The following BRINP3 variants were observed in gnomAD, a reference collection of about 807,000 sequenced individuals.
BRINP3 encodes the protein BMP/retinoic acid inducible neural specific 3.
A neutral mutation model predicts 71.0 loss-of-function variants in BRINP3; 19 were observed. That is an observed-to-expected ratio of 0.27 (90% CI 0.19 to 0.39). The LOEUF (loss-of-function observed/expected upper bound fraction) is 0.39, where lower values mean the gene tolerates loss of function less well. BRINP3 is among the 10% of genes least tolerant of loss of function. The pLI, the probability that BRINP3 is intolerant of heterozygous loss-of-function variation, is 1.00. For synonymous variants in BRINP3, 380 were observed against 337.7 expected, an observed-to-expected ratio of 1.13 and a Z score of -1.37; for missense variants, 959 against 940.8, an observed-to-expected ratio of 1.02 and a Z score of -0.25.
intron 2 of BRINP3, among the ~76,000 whole-genome samples, chr1:190,423,826 C>A (rs1309145651): frequency 1.3e-5 from 2 of 151,612 alleles, no homozygotes; most frequent in African/African-American, 2.4e-5. Flanking sequence ...ATCATTATGA[C>A]AGTTTTTGTT....
At chr1:190,160,983 TACAC>T in intron 6 of BRINP3, 93 bp from the exon 7 acceptor site, 12 of 798,462 alleles carry the variant, frequency 1.5e-5, no homozygotes, top group Middle Eastern at 3.7e-4. Flanking sequence ...CAAATACATA[TACAC>T]ATATATGTCA....
intron 2 of BRINP3, among the ~76,000 whole-genome samples, chr1:190,358,548 T>C (rs1207091804): frequency 1.3e-5 from 2 of 152,114 alleles, no homozygotes; most frequent in Non-Finnish European, 1.5e-5. Context: ...ATAGGAACAC[T>C]TTTACACTGT....
chr1:190,339,173 T>A (rs1033487684), intron 2 of BRINP3, among the ~76,000 whole-genome samples: 4 of 151,930 alleles, frequency 2.6e-5, no homozygotes, highest in African/African-American at 9.7e-5. Flanking sequence ...TTCAAAAGCC[T>A]CACAAAAATA....
intron 1 of BRINP3, among the ~76,000 whole-genome samples, chr1:190,460,310 A>G (rs1446549647): frequency 6.6e-6 from 1 of 150,828 alleles, no homozygotes; most frequent in Non-Finnish European, 1.5e-5. Flanking sequence ...AATCTACAGC[A>G]TTATTATATA....
chr1:190,191,851 T>C (rs558001246), intron 6 of BRINP3, among the ~76,000 whole-genome samples: 1 of 152,264 alleles, frequency 6.6e-6, no homozygotes, highest in East Asian at 1.9e-4. Context: ...AAAATATAGT[T>C]TTCAACATTG....
At chr1:190,416,639 G>A (rs1673020996) in intron 2 of BRINP3, among the ~76,000 whole-genome samples, 1 of 152,088 alleles carries the variant, frequency 6.6e-6, no homozygotes, top group South Asian at 2.1e-4. Context: ...AATGAGATAA[G>A]TAATAATGAT....
intron 2 of BRINP3, among the ~76,000 whole-genome samples, chr1:190,294,401 A>G (rs1275455396): frequency 6.6e-6 from 1 of 151,866 alleles, no homozygotes; most frequent in Non-Finnish European, 1.5e-5. Context: ...CTGAGACTCC[A>G]GGCATGTGTT....
intron 7 of BRINP3, among the ~76,000 whole-genome samples, chr1:190,113,328 C>G (rs896886053): frequency 6.6e-6 from 1 of 152,088 alleles, no homozygotes; most frequent in Non-Finnish European, 1.5e-5. Context: ...CCTTCTTCTT[C>G]CTAACCATCT....
chr1:190,433,190 C>G (rs760696761), intron 2 of BRINP3, among the ~76,000 whole-genome samples: 10 of 152,264 alleles, frequency 6.6e-5, no homozygotes, highest in Non-Finnish European at 1.0e-4. Flanking sequence ...AATATTGCAA[C>G]TGCTCTCTTC....
intron 4 of BRINP3, among the ~76,000 whole-genome samples, chr1:190,253,542 T>C (rs553081618): frequency 9.2e-5 from 14 of 152,338 alleles, no homozygotes; most frequent in African/African-American, 3.4e-4. Context: ...TGAGCATTTT[T>C]TCATGTGTCT....
intron 2 of BRINP3, among the ~76,000 whole-genome samples, chr1:190,341,756 T>A (rs185215413): frequency 1.3e-5 from 2 of 151,894 alleles, no homozygotes; most frequent in East Asian, 3.9e-4. Flanking sequence ...TACACAGATG[T>A]AAAAACATAC....
intron 7 of BRINP3, among the ~76,000 whole-genome samples, chr1:190,107,531 A>G (rs923481107): frequency 1.3e-5 from 2 of 152,014 alleles, no homozygotes; most frequent in African/African-American, 4.8e-5. Flanking sequence ...TATTATCTAT[A>G]TCACTTATTT....
intron 7 of BRINP3, among the ~76,000 whole-genome samples, chr1:190,129,302 A>C (rs1654341652): frequency 6.6e-6 from 1 of 151,812 alleles, no homozygotes; most frequent in Admixed American, 6.6e-5. Context: ...TCAGACAGTA[A>C]TTTTAAAGAA....
At chr1:190,255,230 TTC>T (rs1427617621) in intron 4 of BRINP3, among the ~76,000 whole-genome samples, 7 of 148,054 alleles carry the variant, frequency 4.7e-5, no homozygotes, top group Non-Finnish European at 8.9e-5. Flanking sequence ...TGGTCTAAAA[TTC>T]TCTCTTTTTT....
At chr1:190,343,108 C>T (rs142930613) in intron 2 of BRINP3, among the ~76,000 whole-genome samples, 147 of 151,514 alleles carry the variant, frequency 9.7e-4, no homozygotes, top group Non-Finnish European at 1.7e-3. Flanking sequence ...GATGAACAGG[C>T]GATGTATCAA....
intron 2 of BRINP3, among the ~76,000 whole-genome samples, chr1:190,450,525 A>G (rs921174303): frequency 6.6e-6 from 1 of 152,126 alleles, no homozygotes; most frequent in Non-Finnish European, 1.5e-5. Context: ...TTAAACCAGA[A>G]TCCTCATAGT....
At chr1:190,305,443 C>T (rs1164374814) in intron 2 of BRINP3, among the ~76,000 whole-genome samples, 3 of 151,668 alleles carry the variant, frequency 2.0e-5, no homozygotes, top group African/African-American at 7.3e-5. Flanking sequence ...CTGTCATTTG[C>T]AACAATATGA....
intron 6 of BRINP3, among the ~76,000 whole-genome samples, chr1:190,192,788 C>T (rs999805186): frequency 6.6e-6 from 1 of 151,994 alleles, no homozygotes. Flanking sequence ...TTTCTGCAAA[C>T]CAGGCTCAAT....
chr1:190,472,337 C>A (rs1195904609), intron 1 of BRINP3, among the ~76,000 whole-genome samples: 2 of 151,480 alleles, frequency 1.3e-5, no homozygotes, highest in Non-Finnish European at 3.0e-5. Context: ...TCCCAATAAC[C>A]CTTTATTACG....
Sources: allele counts gnomAD v4.1 joint callset (sites outside exome capture counted in the v4.1 genomes callset), GRCh38; gene constraint gnomAD v4.1.1; transcripts MANE v1.5; gene names NCBI Gene and HGNC (gene_info 2026-07-23, HGNC 2026-07-21).